The following BMPR2 variants were observed in gnomAD, a reference collection of about 807,000 sequenced individuals.
BMPR2 encodes the protein bone morphogenetic protein receptor type-2.
BMPR2 carries 29 observed loss-of-function variants against 100.8 expected under a neutral mutation model. That is an observed-to-expected ratio of 0.29 (90% CI 0.21 to 0.39). BMPR2 has a LOEUF of 0.39. Among genes scored for constraint, BMPR2 ranks in the 10% least tolerant of loss-of-function variants. BMPR2 has a pLI of 1.00. For missense variants in BMPR2, 1,011 were observed against 1,274.5 expected (o/e 0.79, Z 3.15); for synonymous variants, 382 against 442.3 (o/e 0.86, Z 1.71).
chr2:202,546,123 A>C, intron 10 of BMPR2, among the ~76,000 whole-genome samples: 1 of 152,370 alleles, frequency 6.6e-6, no homozygotes, highest in African/African-American at 2.4e-5. Flanking sequence ...TAAGGAATTC[A>C]TAATACTTGG....
At chr2:202,515,978 G>C (rs887132901) in intron 5 of BMPR2, among the ~76,000 whole-genome samples, 1 of 152,148 alleles carries the variant, frequency 6.6e-6, no homozygotes, top group African/African-American at 2.4e-5. Context: ...ATGAAAGTTT[G>C]AGAAGAGTGT....
chr2:202,387,238 A>G (rs910251694), intron 1 of BMPR2, among the ~76,000 whole-genome samples: 1 of 152,228 alleles, frequency 6.6e-6, no homozygotes, highest in Non-Finnish European at 1.5e-5. Flanking sequence ...CTAATTTGAC[A>G]GTGGCTACAA....
chr2:202,525,263 G>T (rs1428941127), intron 7 of BMPR2, among the ~76,000 whole-genome samples: 1 of 152,014 alleles, frequency 6.6e-6, no homozygotes, highest in Non-Finnish European at 1.5e-5. Flanking sequence ...CCAGGCTGGA[G>T]TGCAATGGCG....
At chr2:202,445,658 C>T (rs1237569550) in intron 1 of BMPR2, among the ~76,000 whole-genome samples, 1 of 150,386 alleles carries the variant, frequency 6.6e-6, no homozygotes, top group Non-Finnish European at 1.5e-5. Flanking sequence ...CTGTCTTTTG[C>T]CATGTTGCCA....
intron 3 of BMPR2, among the ~76,000 whole-genome samples, chr2:202,498,762 C>T (rs1449965198): frequency 6.6e-6 from 1 of 152,086 alleles, no homozygotes; most frequent in Non-Finnish European, 1.5e-5. Context: ...CCCCAATATT[C>T]TCTTTCTGAT....
chr2:202,429,072 A>T lies in BMPR2; in HGVS notation c.77-35737A>T, dbSNP rs1691449732. On this transcript the variant is annotated intron_variant, in intron 1 of 12. Coordinates refer to ENST00000374580, the MANE Select transcript of BMPR2 (RefSeq NM_001204.7). ...ATTTGGCCCCATAAATATCTCTAGA[A>T]TCTATTCCTTTCTTGTTTTCCTCTG... 3.3e-5 allele frequency among the ~76,000 whole-genome samples: 5 copies of T among 152,126 alleles called. No homozygotes were observed. In the South Asian group the frequency reaches 1.0e-3, roughly 32 times the overall value.
chr2:202,494,776 C>G (rs540337659), intron 3 of BMPR2, among the ~76,000 whole-genome samples: 2 of 152,332 alleles, frequency 1.3e-5, no homozygotes, highest in East Asian at 1.9e-4. Flanking sequence ...TTAAAGGCCT[C>G]TTTTGCACGT....
At chr2:202,541,540 T>G (rs1688272969) in intron 9 of BMPR2, among the ~76,000 whole-genome samples, 1 of 152,224 alleles carries the variant, frequency 6.6e-6, no homozygotes, top group Admixed American at 6.5e-5. Context: ...ACCAATGATG[T>G]AATGAGACAT....
At chr2:202,535,362 C>A (rs1688128587) in intron 9 of BMPR2, among the ~76,000 whole-genome samples, 1 of 150,312 alleles carries the variant, frequency 6.7e-6, no homozygotes, top group Non-Finnish European at 1.5e-5. Context: ...CTCCTCACTT[C>A]TCAGACGGGG....
At chr2:202,501,297 G>A (rs902255823) in intron 3 of BMPR2, among the ~76,000 whole-genome samples, 8 of 152,132 alleles carry the variant, frequency 5.3e-5, no homozygotes, top group African/African-American at 1.2e-4. Flanking sequence ...GGCTTTTGCC[G>A]ACTATGGATC....
At chr2:202,439,185 G>A (rs1349225673) in intron 1 of BMPR2, among the ~76,000 whole-genome samples, 1 of 149,928 alleles carries the variant, frequency 6.7e-6, no homozygotes, top group East Asian at 1.9e-4. Context: ...CACTTCTTCT[G>A]TTACATTTAT....
chr2:202,398,433 G>C (rs780222094), intron 1 of BMPR2, among the ~76,000 whole-genome samples: 1 of 152,112 alleles, frequency 6.6e-6, no homozygotes, highest in Non-Finnish European at 1.5e-5. Context: ...GTGCTGTTAT[G>C]CACCTAATTT....
chr2:202,453,623 GAGATACAGAGT>G (rs1692032265), intron 1 of BMPR2, among the ~76,000 whole-genome samples: 1 of 152,162 alleles, frequency 6.6e-6, no homozygotes, highest in Admixed American at 6.5e-5. Context: ...TGAACTCATG[GAGATACAGAGT>G]AGAAAGATGG....
chr2:202,486,080 C>G (rs1459883480), intron 3 of BMPR2, among the ~76,000 whole-genome samples: 1 of 152,090 alleles, frequency 6.6e-6, no homozygotes, highest in East Asian at 1.9e-4. Context: ...CAATAGCCCT[C>G]TAACCCTAAT....
intron 3 of BMPR2, among the ~76,000 whole-genome samples, chr2:202,492,700 C>CAAAAAAAAAAAAAAAAAAAAAAAA (rs1166246933): frequency 1.9e-5 from 1 of 52,810 alleles, no homozygotes; most frequent in Non-Finnish European, 3.1e-5. Flanking sequence ...AGCTCTGTCT[C>CAAAAAAAAAAAAAAAAAAAAAAAA]AAAAAAAAAA....
intron 1 of BMPR2, among the ~76,000 whole-genome samples, chr2:202,392,654 A>T (rs1690572876): frequency 6.6e-6 from 1 of 152,162 alleles, no homozygotes; most frequent in African/African-American, 2.4e-5. Context: ...TCATTTAAAA[A>T]TGTCTAAGAG....
chr2:202,530,750 A>G (rs758394567), intron 7 of BMPR2, 44 bp from the exon 8 acceptor site: 5 of 1,498,612 alleles, frequency 3.3e-6, no homozygotes, highest in African/African-American at 1.4e-5. Context: ...CATGTTCAAT[A>G]GTCCCTTTTA....
chr2:202,519,454 C>T (rs1034399231), intron 6 of BMPR2, among the ~76,000 whole-genome samples: 2 of 152,220 alleles, frequency 1.3e-5, no homozygotes, highest in African/African-American at 2.4e-5. Flanking sequence ...ATTGCTGACT[C>T]ACAAACTGGA....
intron 3 of BMPR2, among the ~76,000 whole-genome samples, chr2:202,477,788 AAAATAAAT>A (rs539218422): frequency 2.0e-5 from 3 of 152,088 alleles, no homozygotes; most frequent in East Asian, 1.9e-4. Context: ...CTCCATCTCC[AAAATAAAT>A]AAATAAATAA....
Sources: gnomAD v4.1 joint callset for allele counts (sites outside exome capture counted in the v4.1 genomes callset) on GRCh38, gnomAD v4.1.1 for gene constraint, MANE v1.5 for transcripts, NCBI Gene and HGNC (gene_info 2026-07-23, HGNC 2026-07-21) for gene names.